The following RAPGEF1 variants were observed in gnomAD, a reference collection of about 807,000 sequenced individuals.
RAPGEF1 encodes Rap guanine nucleotide exchange factor 1.
Under a neutral mutation model 143.3 loss-of-function variants are expected in RAPGEF1, and 33 were observed. That is an observed-to-expected ratio of 0.23 (90% CI 0.17 to 0.31). The LOEUF is 0.31. RAPGEF1 is among the 10% of genes least tolerant of loss of function. The pLI, the probability that RAPGEF1 is intolerant of heterozygous loss-of-function variation, is 1.00. For missense variants in RAPGEF1, 1,199 were observed against 1,645.4 expected, an observed-to-expected ratio of 0.73 and a Z score of 4.69; for synonymous variants, 629 against 676.5, an observed-to-expected ratio of 0.93 and a Z score of 1.09.
intron 1 of RAPGEF1, 92 bp from the exon 2 acceptor site, chr9:131,651,041 C>T (rs1299686569): frequency 7.0e-7 from 1 of 1,423,234 alleles, no homozygotes; most frequent in Non-Finnish European, 9.5e-7. Context: ...GTCCCCAAAC[C>T]CATCTTTTTT....
intron 1 of RAPGEF1, among the ~76,000 whole-genome samples, chr9:131,700,292 G>A (rs12000632): frequency 0.032 from 4,939 of 152,162 alleles, 175 homozygotes; most frequent in East Asian, 0.089. Context: ...TTTCCGGAGC[G>A]CGCCTGCCCA....
intron 1 of RAPGEF1, among the ~76,000 whole-genome samples, chr9:131,719,797 C>A (rs1836132739): frequency 6.6e-6 from 1 of 151,794 alleles, no homozygotes; most frequent in South Asian, 2.1e-4. Context: ...AAGATTTGTA[C>A]ATAGTCATAC....
At chr9:131,600,916 G>A (rs1459531385) in intron 15 of RAPGEF1, among the ~76,000 whole-genome samples, 1 of 152,200 alleles carries the variant, frequency 6.6e-6, no homozygotes, top group African/African-American at 2.4e-5. Context: ...AGCACTTTGG[G>A]AGGCTGGGGC....
intron 1 of RAPGEF1, among the ~76,000 whole-genome samples, chr9:131,659,710 T>C (rs978883617): frequency 4.6e-5 from 7 of 152,352 alleles, no homozygotes; most frequent in Admixed American, 4.6e-4. Context: ...ACTTAATACA[T>C]GGCAGCTATT....
intron 3 of RAPGEF1, among the ~76,000 whole-genome samples, chr9:131,646,353 T>A (rs1969619262): frequency 2.0e-5 from 3 of 152,210 alleles, no homozygotes; most frequent in Admixed American, 2.0e-4. Context: ...ATCAGAAATG[T>A]GCTGAAGTTA....
In RAPGEF1 at chr9:131,675,926, T is replaced by A. The variant is rs983240809; in HGVS notation, c.62-24977A>T. Among the ~76,000 whole-genome samples the A allele has an allele frequency of 2.6e-5, 4 of 151,684 alleles. No homozygotes were observed. The highest frequency in any genetic ancestry group is 9.7e-5 in the African/African-American group (4 of 41,356). On this transcript the variant is annotated intron_variant, in intron 1 of 26. Coordinates refer to ENST00000683357, the MANE Select transcript of RAPGEF1 (RefSeq NM_001377935.1). This position sits in a 1 kb window ranked among gnomAD's most constrained non-coding sequence, Gnocchi z 4.6. ...AAAAACTCAGTCTTTTTTTTTTTTT[T>A]AATCTCGCCCTGTGGCCCAGGCTGG...
chr9:131,597,726 C>CT (rs993118200), intron 16 of RAPGEF1, among the ~76,000 whole-genome samples: 6 of 151,394 alleles, frequency 4.0e-5, no homozygotes, highest in Non-Finnish European at 7.4e-5. Flanking sequence ...ATTTTCTTTT[C>CT]TTTTTTTTTA....
At chr9:131,614,152 G>A (rs1958510367) in intron 12 of RAPGEF1, among the ~76,000 whole-genome samples, 1 of 150,576 alleles carries the variant, frequency 6.6e-6, no homozygotes, top group Non-Finnish European at 1.5e-5. Flanking sequence ...CCCCCCCCAA[G>A]GAGGGGCTGC....
intron 1 of RAPGEF1, among the ~76,000 whole-genome samples, chr9:131,730,193 C>CAAAA (rs57402366): frequency 9.4e-4 from 63 of 66,958 alleles, no homozygotes; most frequent in East Asian, 1.9e-3. Flanking sequence ...GACTCCCTCT[C>CAAAA]AAAAAAAAAA....
At chr9:131,601,971 A>T in intron 15 of RAPGEF1, 90 bp downstream of exon 15, 1 of 888,052 alleles carries the variant, frequency 1.1e-6, no homozygotes, top group Non-Finnish European at 1.7e-6. Flanking sequence ...CCTCAGGCCT[A>T]GGGGCTAGCT....
intron 1 of RAPGEF1, among the ~76,000 whole-genome samples, chr9:131,666,386 A>AT (rs1830439530): frequency 6.7e-6 from 1 of 150,062 alleles, no homozygotes; most frequent in Non-Finnish European, 1.5e-5. Context: ...ATTAAAACAA[A>AT]ATTTTTTTTT....
intron 1 of RAPGEF1, among the ~76,000 whole-genome samples, chr9:131,715,115 CTT>C (rs1230822624): frequency 6.6e-6 from 1 of 152,170 alleles, no homozygotes; most frequent in Non-Finnish European, 1.5e-5. Context: ...CAGGGACTCT[CTT>C]ATGACACATC....
At chr9:131,610,795 G>C (rs1208204476) in intron 12 of RAPGEF1, among the ~76,000 whole-genome samples, 1 of 152,172 alleles carries the variant, frequency 6.6e-6, no homozygotes, top group Non-Finnish European at 1.5e-5. Context: ...AGGAAATTGA[G>C]CTTTTCACTG....
intron 3 of RAPGEF1, among the ~76,000 whole-genome samples, chr9:131,647,587 C>A (rs935330611): frequency 6.6e-6 from 1 of 152,224 alleles, no homozygotes; most frequent in African/African-American, 2.4e-5. Flanking sequence ...CAGCAGATGA[C>A]AGACCCACTG....
intron 5 of RAPGEF1, among the ~76,000 whole-genome samples, chr9:131,631,338 C>T (rs976389777): frequency 4.6e-5 from 7 of 152,244 alleles, no homozygotes; most frequent in Admixed American, 1.3e-4. Flanking sequence ...GCATTCCCCT[C>T]GACCCCCAGC....
At position 131,615,278 on chromosome 9, in the gene RAPGEF1, C is replaced by G. The variant is rs1422835492; in HGVS notation, c.2061+3773G>C. 3.3e-5 allele frequency among the ~76,000 whole-genome samples: 5 copies of G among 152,202 alleles called. No homozygotes were observed. The East Asian group carries it at 5.8e-4, about 18-fold the overall frequency. ...TTCAGTAGAGCCGGGGTTTCACCGT[C>G]TTAGCCGGGATGGTCTTGATTTCCT... On this transcript the variant is annotated intron_variant, in intron 12 of 26. Transcript: ENST00000683357.
chr9:131,583,163 C>T lies in RAPGEF1; in HGVS notation c.3415-461G>A, dbSNP rs912439549. Among the ~76,000 whole-genome samples the T allele has an allele frequency of 6.6e-6, 1 of 152,156 alleles. No individual in the cohort carries two copies. Among genetic ancestry groups the T allele is most frequent in the African/African-American group, 2.4e-5 (1 of 41,446 alleles). On this transcript the variant is annotated intron_variant, in intron 24 of 26. Transcript: ENST00000683357. This position sits in a 1 kb window ranked among gnomAD's most constrained non-coding sequence, Gnocchi z 4.7. Reference sequence around the variant, plus strand: ...AGATAGCATGTGACCTCGCCCTCCCCAGGGCTGGGTGGCTTCTCTCCTGCA... The same window carrying T: ...AGATAGCATGTGACCTCGCCCTCCCTAGGGCTGGGTGGCTTCTCTCCTGCA...
At chr9:131,686,254 G>A (rs1833340577) in intron 1 of RAPGEF1, among the ~76,000 whole-genome samples, 1 of 152,150 alleles carries the variant, frequency 6.6e-6, no homozygotes, top group Non-Finnish European at 1.5e-5. Flanking sequence ...GTAACTAAAT[G>A]GGTATGGCTG....
At chr9:131,696,500 C>T (rs1050706913) in intron 1 of RAPGEF1, among the ~76,000 whole-genome samples, 4 of 152,224 alleles carry the variant, frequency 2.6e-5, no homozygotes, top group African/African-American at 9.7e-5. Flanking sequence ...CTGTACTTTA[C>T]AGATGATTTA....
Sources: allele counts gnomAD v4.1 joint callset (sites outside exome capture counted in the v4.1 genomes callset), GRCh38; gene constraint gnomAD v4.1.1; non-coding constraint Gnocchi (gnomAD v3.1); transcripts MANE v1.5; gene names NCBI Gene and HGNC (gene_info 2026-07-23, HGNC 2026-07-21).